The following FHIT variants were observed in gnomAD, a reference collection of about 807,000 sequenced individuals.
FHIT encodes the protein fragile histidine triad diadenosine triphosphatase.
A neutral mutation model predicts 17.9 loss-of-function variants in FHIT; 19 were observed. That is an observed-to-expected ratio of 1.06 (90% confidence interval 0.74 to 1.56). FHIT has a LOEUF of 1.56. FHIT is among the 40% of genes most tolerant of loss of function. The pLI is 0.00. For synonymous variants in FHIT, 81 were observed against 69.7 expected, an observed-to-expected ratio of 1.16 and a Z score of -0.81; for missense variants, 248 against 189.2, an observed-to-expected ratio of 1.31 and a Z score of -1.82.
intron 8 of FHIT, among the ~76,000 whole-genome samples, chr3:59,819,901 G>A (rs1021553121): frequency 2.6e-5 from 4 of 152,148 alleles, no homozygotes; most frequent in African/African-American, 9.7e-5. Flanking sequence ...ACTGAAGCAA[G>A]CACTCTGGTC....
intron 5 of FHIT, among the ~76,000 whole-genome samples, chr3:60,283,228 TATACACACACACAC>T (rs1481073218): frequency 4.0e-5 from 6 of 151,824 alleles, no homozygotes; most frequent in African/African-American, 1.4e-4. Flanking sequence ...AACAGGGATA[TATACACACACACAC>T]ATACACACAC....
At chr3:60,698,849 C>G (rs900112868) in intron 4 of FHIT, among the ~76,000 whole-genome samples, 3 of 152,006 alleles carry the variant, frequency 2.0e-5, no homozygotes, top group African/African-American at 4.8e-5. Context: ...AAGCACATTT[C>G]AAAAAGTTCA....
At chr3:61,029,181 G>T (rs1296364104) in intron 3 of FHIT, among the ~76,000 whole-genome samples, 1 of 152,026 alleles carries the variant, frequency 6.6e-6, no homozygotes, top group Non-Finnish European at 1.5e-5. Flanking sequence ...GATAAATCAG[G>T]CAATATTACA....
chr3:59,753,566 C>A (rs1043671229), intron 8 of FHIT, among the ~76,000 whole-genome samples: 1 of 152,100 alleles, frequency 6.6e-6, no homozygotes, highest in Non-Finnish European at 1.5e-5. Context: ...GCAGGTTATC[C>A]GTTCATTCTT....
chr3:60,249,361 C>A (rs555427762), intron 5 of FHIT, among the ~76,000 whole-genome samples: 2 of 152,054 alleles, frequency 1.3e-5, no homozygotes, highest in African/African-American at 2.4e-5. Flanking sequence ...TCGGAAACAG[C>A]GTCTTCTCCT....
chr3:59,792,882 G>C, intron 8 of FHIT, among the ~76,000 whole-genome samples: 1 of 144,536 alleles, frequency 6.9e-6, no homozygotes. Flanking sequence ...TGGGGGGGGG[G>C]GTCATGAACC....
chr3:61,149,355 G>C (rs924046255), intron 2 of FHIT, among the ~76,000 whole-genome samples: 1 of 151,844 alleles, frequency 6.6e-6, no homozygotes, highest in Non-Finnish European at 1.5e-5. Flanking sequence ...TATCCAAAAT[G>C]AGACACTTCT....
intron 7 of FHIT, among the ~76,000 whole-genome samples, chr3:59,962,521 G>A (rs984322737): frequency 6.6e-6 from 1 of 152,180 alleles, no homozygotes; most frequent in Non-Finnish European, 1.5e-5. Flanking sequence ...TTTGGGAGGG[G>A]AGGGAGTCTG....
chr3:60,016,219 G>A (rs571098598), intron 5 of FHIT, among the ~76,000 whole-genome samples: 1 of 152,270 alleles, frequency 6.6e-6, no homozygotes, highest in South Asian at 2.1e-4. Context: ...GTTTTATCCA[G>A]TACATATCAT....
intron 4 of FHIT, among the ~76,000 whole-genome samples, chr3:60,565,851 T>C (rs1245339593): frequency 1.3e-5 from 2 of 152,200 alleles, no homozygotes; most frequent in African/African-American, 2.4e-5. Flanking sequence ...AATTGTGATG[T>C]TAGGGTGTCA....
At chr3:60,884,622 T>C (rs1388984677) in intron 3 of FHIT, among the ~76,000 whole-genome samples, 1 of 152,118 alleles carries the variant, frequency 6.6e-6, no homozygotes, top group African/African-American at 2.4e-5. Flanking sequence ...ATTATTTTTA[T>C]GTGAAATAAG....
At chr3:60,636,867 A>G (rs2039600697) in intron 4 of FHIT, among the ~76,000 whole-genome samples, 1 of 152,246 alleles carries the variant, frequency 6.6e-6, no homozygotes, top group African/African-American at 2.4e-5. Context: ...TTTTCACTCT[A>G]AAGTAACAGA....
chr3:59,958,413 A>G (rs1486136672), intron 7 of FHIT, among the ~76,000 whole-genome samples: 1 of 152,236 alleles, frequency 6.6e-6, no homozygotes, highest in Non-Finnish European at 1.5e-5. Context: ...CTCAAATGGC[A>G]TAGGCTACGG....
chr3:60,486,953 A>C (rs769705579), intron 5 of FHIT, among the ~76,000 whole-genome samples: 8 of 152,184 alleles, frequency 5.3e-5, no homozygotes, highest in Admixed American at 4.6e-4. Flanking sequence ...GTGACTGTTT[A>C]GACACTGTCA....
intron 4 of FHIT, among the ~76,000 whole-genome samples, chr3:60,743,041 C>T (rs1335384581): frequency 6.6e-6 from 1 of 152,224 alleles, no homozygotes; most frequent in Non-Finnish European, 1.5e-5. Flanking sequence ...TTCACCCTTG[C>T]TCCCTCTGGC....
intron 5 of FHIT, among the ~76,000 whole-genome samples, chr3:60,504,547 T>C (rs1040226993): frequency 2.6e-5 from 4 of 152,184 alleles, no homozygotes; most frequent in Admixed American, 6.5e-5. Context: ...TATAATTGTA[T>C]AACATAGTAA....
intron 5 of FHIT, among the ~76,000 whole-genome samples, chr3:60,420,971 A>C (rs1424424384): frequency 6.7e-6 from 1 of 150,244 alleles, no homozygotes; most frequent in African/African-American, 2.5e-5. Flanking sequence ...TCTCGTCTTT[A>C]TCTCCTCCTC....
At chr3:60,552,708 G>A (rs1202719795) in intron 4 of FHIT, among the ~76,000 whole-genome samples, 1 of 152,114 alleles carries the variant, frequency 6.6e-6, no homozygotes, top group East Asian at 1.9e-4. Flanking sequence ...CTGCTCCAGA[G>A]CTCTTTAGAC....
intron 2 of FHIT, among the ~76,000 whole-genome samples, chr3:61,159,246 A>G (rs2037619914): frequency 6.6e-6 from 1 of 152,214 alleles, no homozygotes; most frequent in South Asian, 2.1e-4. Flanking sequence ...CCAATGAGAG[A>G]GAACATTCAG....
Sources: allele counts gnomAD v4.1 joint callset (sites outside exome capture counted in the v4.1 genomes callset), GRCh38; gene constraint gnomAD v4.1.1; transcripts MANE v1.5; gene names NCBI Gene and HGNC (gene_info 2026-07-23, HGNC 2026-07-21).